Variants in PHF8 observed in about 807,000 individuals in gnomAD.
PHF8 encodes PHD finger protein 8.
A neutral mutation model predicts 74.4 loss-of-function variants in PHF8; 9 were observed. The observed-to-expected ratio is 0.12, with a 90% CI of 0.07 to 0.21. The LOEUF (loss-of-function observed/expected upper bound fraction) is 0.21. Among genes scored for constraint, PHF8 ranks in the 10% least tolerant of loss-of-function variants. The probability of loss-of-function intolerance (pLI) is 1.00; values close to 1 mark genes in which losing one functional copy is unlikely to be tolerated. For missense variants in PHF8, 478 were observed against 816.6 expected, an observed-to-expected ratio of 0.59 and a Z score of 5.05; for synonymous variants, 311 against 316.6, an observed-to-expected ratio of 0.98 and a Z score of 0.19.
Position 54,016,585 on chromosome X carries a change from C to T in PHF8, c.596+10G>A. On this transcript the variant is annotated intron_variant, in intron 6 of 21. Transcript: ENST00000338154. Reference sequence around the variant, plus strand: ...TTGTCAGGTTTTTTTGTTATTCCTGCACCTCTTACCTGGTATCAGAGAATT... The same window carrying T: ...TTGTCAGGTTTTTTTGTTATTCCTGTACCTCTTACCTGGTATCAGAGAATT... The T allele has an allele frequency of 2.5e-6, 3 of 1,197,949 alleles. No individual in the cohort carries two copies. The highest frequency in any genetic ancestry group is 1.8e-5 in the African/African-American group (1 of 56,642).
intron 19 of PHF8, among the ~76,000 whole-genome samples, chrX:53,957,530 A>C (rs782500757): frequency 1.2e-4 from 13 of 111,227 alleles, no homozygotes; most frequent in Non-Finnish European, 2.1e-4. Flanking sequence ...AAATAAATAA[A>C]AAACAAACAA....
Position 53,998,843 on chromosome X carries a change from A to G in PHF8, c.1233+1027T>C, listed in dbSNP as rs144385046. ...TGGCAGTATGCATCAAGAGCCTTAC[A>G]TTTTTTCATATACTTTGATTCAGTA... is the stretch of plus-strand genomic sequence containing the variant. On this transcript the variant is annotated intron_variant, in intron 11 of 21. Transcript: ENST00000338154. Among the ~76,000 whole-genome samples the G allele has an allele frequency of 5.1e-3, 572 of 111,491 alleles. 2 individuals carry two copies. The highest frequency in any genetic ancestry group is 0.018 in the African/African-American group (539 of 30,700).
At chrX:53,977,970 A>G (rs1603309594) in intron 18 of PHF8, among the ~76,000 whole-genome samples, 3 of 70,403 alleles carry the variant, frequency 4.3e-5, no homozygotes, top group African/African-American at 1.7e-4. Context: ...TTTGAGATGG[A>G]GTCTCACTCT....
intron 18 of PHF8, among the ~76,000 whole-genome samples, chrX:53,979,354 C>A (rs1291677826): frequency 9.0e-6 from 1 of 110,994 alleles, no homozygotes; most frequent in Non-Finnish European, 1.9e-5. Flanking sequence ...TGCACCCCAG[C>A]CTGGGTGACA....
intron 18 of PHF8, among the ~76,000 whole-genome samples, chrX:53,968,576 T>C (rs782085261): frequency 6.2e-5 from 7 of 112,322 alleles, no homozygotes; most frequent in Non-Finnish European, 1.3e-4. Context: ...AGGCCAGCAT[T>C]ATCCTGATAC....
At position 54,022,241 on chromosome X, in the gene PHF8, G is replaced by T. The variant is rs782438352; in HGVS notation, c.293+18C>A. The T allele has an allele frequency of 2.0e-6, 2 of 995,873 alleles. No individual in the cohort carries two copies. The highest frequency in any genetic ancestry group is 1.9e-5 in the South Asian group (1 of 52,606). The allele number at this position is 995,873 out of a possible 1,213,427, so 82.1% of individuals were successfully genotyped here. A position where few individuals can be genotyped will look rare whatever the true frequency, so the allele number is the denominator to read the frequency against. Reference sequence around the variant, plus strand: ...AGAGCCCTGGCATTCACCAGCCACTGGAGGCAGGGTTCCTCACCTGTCAAA... The same window carrying T: ...AGAGCCCTGGCATTCACCAGCCACTTGAGGCAGGGTTCCTCACCTGTCAAA... On this transcript the variant is annotated intron_variant, in intron 4 of 21. Transcript: ENST00000338154.
At chrX:53,995,883 C>A in intron 11 of PHF8, 101 bp from the exon 12 acceptor site, 2 of 455,056 alleles carry the variant, frequency 4.4e-6, no homozygotes, top group Non-Finnish European at 7.7e-6. Flanking sequence ...GTAGTCTTTT[C>A]AACAAATGAT....
chrX:54,015,295 C>T (rs1332414925), intron 6 of PHF8, among the ~76,000 whole-genome samples: 4 of 111,024 alleles, frequency 3.6e-5, no homozygotes, highest in Non-Finnish European at 5.7e-5. Context: ...AAAACAACAG[C>T]GCCGGGCGCG....
chrX:53,969,013 T>C (rs138351306), intron 18 of PHF8, among the ~76,000 whole-genome samples: 8 of 112,010 alleles, frequency 7.1e-5, no homozygotes, highest in Non-Finnish European at 1.5e-4. Flanking sequence ...GACGGGCAGA[T>C]AGCTTGAGCT....
At chrX:53,948,166 T>A (rs1422780457) in intron 19 of PHF8, among the ~76,000 whole-genome samples, 2 of 112,107 alleles carry the variant, frequency 1.8e-5, no homozygotes, top group Non-Finnish European at 3.8e-5. Flanking sequence ...TAAAAGATAT[T>A]TTGTGTAAAC....
At chrX:53,990,281 C>T (rs1384009077) in intron 14 of PHF8, among the ~76,000 whole-genome samples, 1 of 112,216 alleles carries the variant, frequency 8.9e-6, no homozygotes, top group African/African-American at 3.2e-5. Flanking sequence ...GTTTCATCTA[C>T]ACCTCATTCT....
rs1390317645 is a variant in PHF8 at position 54,032,631 on chromosome X, GACCATGTATT to G, written c.99-9798_99-9789del. 2.7e-5 allele frequency among the ~76,000 whole-genome samples: 3 copies of G among 110,857 alleles called. No individual in the cohort carries two copies. The Admixed American group carries it at 2.9e-4, about 11-fold the overall frequency. On this transcript the variant is annotated intron_variant, in intron 2 of 21. Coordinates refer to ENST00000338154, the MANE Select transcript of PHF8 (RefSeq NM_015107.3). ...GCTCACCCTACTTTACTTTTCTCTA[GACCATGTATT>G]ATCACTTGACACACTATATATTAAG...
intron 18 of PHF8, among the ~76,000 whole-genome samples, chrX:53,965,103 AGAT>A (rs1557092080): frequency 9.0e-6 from 1 of 111,555 alleles, no homozygotes; most frequent in Non-Finnish European, 1.9e-5. Flanking sequence ...AATGGAAAAA[AGAT>A]GATAAATTTA....
intron 11 of PHF8, among the ~76,000 whole-genome samples, chrX:53,998,463 T>TAAATA (rs373368055): frequency 0.011 from 1,242 of 109,140 alleles, 25 homozygotes; most frequent in African/African-American, 0.036. Flanking sequence ...CATAAATAAA[T>TAAATA]AAATAAAATA....
rs184150036 is a variant in PHF8, at chrX:53,974,536, G to A, written c.2443+10378C>T. The stretch of plus-strand genomic sequence containing the variant: ...AGATCTAGAGGCAGAACTACCATTT[G>A]ACCCAGTAATCCTATTACTGGATAT... On this transcript the variant is annotated intron_variant, in intron 18 of 21. Coordinates refer to ENST00000338154, the MANE Select transcript of PHF8 (RefSeq NM_015107.3). Among the ~76,000 whole-genome samples, 303 of 111,628 alleles carry A rather than the reference G, an allele frequency of 2.7e-3. 1 individual carries two copies. The highest frequency in any genetic ancestry group is 3.9e-3 in the Non-Finnish European group (207 of 53,154).
At chrX:53,951,363 GA>G (rs1215576386) in intron 19 of PHF8, among the ~76,000 whole-genome samples, 1 of 111,962 alleles carries the variant, frequency 8.9e-6, no homozygotes, top group Non-Finnish European at 1.9e-5. Context: ...CAAATTTGAT[GA>G]AAAACAATTT....
At chrX:54,016,250 T>C (rs968953156) in intron 6 of PHF8, among the ~76,000 whole-genome samples, 4 of 110,739 alleles carry the variant, frequency 3.6e-5, no homozygotes, top group African/African-American at 9.9e-5. Flanking sequence ...TCCTAGTACT[T>C]TGGGAGGCCA....
intron 11 of PHF8, among the ~76,000 whole-genome samples, chrX:53,998,482 T>C (rs886580007): frequency 1.9e-4 from 21 of 109,849 alleles, no homozygotes; most frequent in African/African-American, 7.0e-4. Flanking sequence ...TAAAATAAAA[T>C]AAAATAAAAT....
chrX:54,043,022 C>T, intron 1 of PHF8: 1 of 479,907 alleles, frequency 2.1e-6, no homozygotes, highest in Non-Finnish European at 3.1e-6. Flanking sequence ...TCCAGGCTTC[C>T]CACCGCCCCC....
Sources: gnomAD v4.1 joint callset for allele counts (sites outside exome capture counted in the v4.1 genomes callset) on GRCh38, gnomAD v4.1.1 for gene constraint, MANE v1.5 for transcripts, NCBI Gene and HGNC (gene_info 2026-07-23, HGNC 2026-07-21) for gene names.